Variants in UBR4 observed in about 807,000 individuals in gnomAD.
UBR4 encodes E3 ubiquitin-protein ligase UBR4.
A neutral mutation model predicts 575.6 loss-of-function variants in UBR4; 124 were observed. That is an observed-to-expected ratio of 0.22 (90% CI 0.19 to 0.25). The LOEUF (loss-of-function observed/expected upper bound fraction) is 0.25. Ranked by LOEUF, UBR4 falls within the 10% of genes least tolerant of loss-of-function variation. The probability of loss-of-function intolerance (pLI) is 1.00; values close to 1 mark genes in which losing one functional copy is unlikely to be tolerated. For synonymous variants in UBR4, 2,455 were observed against 2,473.7 expected (o/e 0.99, Z 0.22); for missense variants, 4,818 against 6,478.8 (o/e 0.74, Z 8.80).
chr1:19,188,722 C>T (rs778436632), intron 11 of UBR4, among the ~76,000 whole-genome samples: 1 of 152,218 alleles, frequency 6.6e-6, no homozygotes, highest in Non-Finnish European at 1.5e-5. Context: ...TATCCCAGCA[C>T]TTTGGGAGGC....
At chr1:19,171,783 T>C (rs374402752) in intron 25 of UBR4, among the ~76,000 whole-genome samples, 11 of 152,258 alleles carry the variant, frequency 7.2e-5, no homozygotes, top group East Asian at 3.9e-4. Context: ...AGGTGGAGGT[T>C]ACAGTGAGAT....
At position 19,088,746 on chromosome 1, in the gene UBR4, G is replaced by A; in HGVS notation, c.14430+13C>T. 6.2e-7 allele frequency: 1 copy of A among 1,612,432 alleles called. No individual in the cohort carries two copies. Among genetic ancestry groups the A allele is most frequent in the Non-Finnish European group, 8.5e-7 (1 of 1,179,810 alleles). On this transcript the variant is annotated intron_variant, in intron 98 of 105. Coordinates refer to ENST00000375254, the MANE Select transcript of UBR4 (RefSeq NM_020765.3). This position sits in a 1 kb window ranked among gnomAD's most constrained non-coding sequence, Gnocchi z 4.0. ...GTGGGCAGAAATATGGGGACTCTAG[G>A]TGGTAGCTTTACCGTCATGCCCAGG...
rs753390852 is a variant in UBR4, at chr1:19,151,751, C to T, written c.7105G>A (p.Glu2369Lys). 3.1e-6 allele frequency: 5 copies of T among 1,614,020 alleles called. No individual in the cohort carries two copies. Among genetic ancestry groups the T allele is most frequent in the African/African-American group, 2.7e-5 (2 of 74,908 alleles). Reference sequence around the variant, plus strand: ...AGCTGCATAGTTCTGCCGAAGATCTCGATATATGACGGGGCCCGTTCTATT... The same window carrying T: ...AGCTGCATAGTTCTGCCGAAGATCTTGATATATGACGGGGCCCGTTCTATT... The part of the protein sequence containing the change: ...QAIERAPSYI[E>K]IFGRTMQLNL... The change falls in exon 48 of 106, where the codon GAG (glutamate) becomes AAG (lysine). Residue 2369 changes from glutamate to lysine, a missense_variant. Glu to Lys is a moderately conservative substitution (Grantham distance 56, BLOSUM62 1). Coordinates refer to ENST00000375254, the MANE Select transcript of UBR4 (RefSeq NM_020765.3).
chr1:19,123,087 T>G, intron 65 of UBR4, 27 bp from the exon 66 acceptor site: 1 of 1,608,420 alleles, frequency 6.2e-7, no homozygotes. Flanking sequence ...CCACAAAGAG[T>G]AAATGACTCT....
At chr1:19,113,535 G>A (rs2080149153) in intron 77 of UBR4, 164 bp downstream of exon 77, 3 of 988,956 alleles carry the variant, frequency 3.0e-6, no homozygotes, top group Admixed American at 2.3e-5. Flanking sequence ...TCACGGTGGG[G>A]GAGATGCCGT....
At position 19,157,039 on chromosome 1, in the gene UBR4, A is replaced by G. The variant is rs2086546851; in HGVS notation, c.5761-114T>C. On this transcript the variant is annotated intron_variant, in intron 40 of 105. Transcript: ENST00000375254. The surrounding 1 kb of genome is among the most constrained non-coding windows in gnomAD (Gnocchi z 4.4). ...ACAGGTTGCACACTTTTTTCTTTACAGATAAGTCTAGTAGAAAATCCTAGA... is the reference window on the plus strand; with the variant it reads ...ACAGGTTGCACACTTTTTTCTTTACGGATAAGTCTAGTAGAAAATCCTAGA... 1.3e-5 allele frequency: 16 copies of G among 1,210,804 alleles called. No homozygotes were observed. The highest frequency in any genetic ancestry group is 1.8e-5 in the Non-Finnish European group (16 of 883,046). The allele number at this position is 1,210,804 out of a possible 1,614,324, so 75.0% of individuals were successfully genotyped here.
At chr1:19,197,580 C>T in intron 7 of UBR4, 90 bp downstream of exon 7, 1 of 1,529,302 alleles carries the variant, frequency 6.5e-7, no homozygotes, top group Non-Finnish European at 8.8e-7. Context: ...TGAACCGAGA[C>T]TGCACCCCTG....
chr1:19,190,312 A>AAAAAATATATATATATATAT, intron 11 of UBR4, among the ~76,000 whole-genome samples: 25 of 79,886 alleles, frequency 3.1e-4, no homozygotes, highest in African/African-American at 1.2e-3. Context: ...AAAAAAAAAA[A>AAAAAATATATATATATATAT]ATATATATAT....
At chr1:19,111,217 C>T (rs966729876) in intron 78 of UBR4, among the ~76,000 whole-genome samples, 1 of 152,164 alleles carries the variant, frequency 6.6e-6, no homozygotes, top group African/African-American at 2.4e-5. Context: ...TTCCACAAGG[C>T]CCTCATATTC....
intron 83 of UBR4, 132 bp downstream of exon 83, chr1:19,106,437 T>C (rs997486693): frequency 1.8e-5 from 22 of 1,241,468 alleles, no homozygotes; most frequent in Non-Finnish European, 2.3e-5. Flanking sequence ...CACTCCCTAT[T>C]TGAAAGGAAG....
chr1:19,141,519 C>G lies in UBR4; in HGVS notation c.8316G>C (p.Glu2772Asp). The G allele has an allele frequency of 6.2e-7, 1 of 1,606,014 alleles. No individual in the cohort carries two copies. The highest frequency in any genetic ancestry group is 1.1e-5 in the South Asian group (1 of 89,472). The change falls in exon 57 of 106, where the codon GAG becomes GAC. Residue 2772 changes from glutamate to aspartate, a missense_variant. By Grantham distance (45) the Glu-to-Asp change is conservative (BLOSUM62 2). This residue lies in a region of UBR4 where 129 missense variants were observed against 198.4 expected (regional missense o/e 0.65). Coordinates refer to ENST00000375254, the MANE Select transcript of UBR4 (RefSeq NM_020765.3). Reference sequence around the variant, plus strand: ...TTTCAGCTGTCTCCAGGACCATCGACTCAGACTGCAGAGAGAAAGCTCTGT... The same window carrying G: ...TTTCAGCTGTCTCCAGGACCATCGAGTCAGACTGCAGAGAGAAAGCTCTGT... ...VDHGDFEMVS[E>D]SMVLETAENV...
intron 50 of UBR4, 53 bp downstream of exon 50, chr1:19,148,510 C>T: frequency 6.2e-7 from 1 of 1,610,596 alleles, no homozygotes; most frequent in Non-Finnish European, 8.5e-7. Context: ...GGCAACTCCA[C>T]TGACTTCCTG....
chr1:19,147,026 G>A, intron 51 of UBR4, 26 bp from the exon 52 acceptor site: 12 of 1,563,526 alleles, frequency 7.7e-6, no homozygotes, highest in Non-Finnish European at 1.0e-5. Flanking sequence ...AGCACAGAGG[G>A]TCAGCCATAA....
chr1:19,179,260 T>C, intron 17 of UBR4, 40 bp from the exon 18 acceptor site: 2 of 1,498,206 alleles, frequency 1.3e-6, no homozygotes, highest in Non-Finnish European at 1.8e-6. Context: ...AGCAAACAGA[T>C]ACGGGATAAA....
chr1:19,093,390 C>T lies in UBR4; in HGVS notation c.14034G>A (p.Leu4678=). Residue 4678 remains leucine, a synonymous_variant, in exon 96 of 106, where the codon CTG becomes CTA. Coordinates refer to ENST00000375254, the MANE Select transcript of UBR4 (RefSeq NM_020765.3). This position sits in a 1 kb window ranked among gnomAD's most constrained non-coding sequence, Gnocchi z 4.8. ...TCCCCTTCTGGAGAATCAGATCCTT[C>T]AGCTGGTGCCCATTGCTGTTGTTCT... is the stretch of plus-strand genomic sequence containing the variant. The part of the protein sequence containing the change: ...GIKNNSNGHQ[L]KDLILQKGIT... The T allele has an allele frequency of 6.2e-7, 1 of 1,614,244 alleles. No homozygotes were observed. The highest frequency in any genetic ancestry group is 8.5e-7 in the Non-Finnish European group (1 of 1,180,040).
At position 19,076,833 on chromosome 1, in the gene UBR4, T is replaced by A; in HGVS notation, c.15394A>T (p.Met5132Leu). Residue 5132 changes from methionine to leucine, a missense_variant, in exon 105 of 106, where the codon ATG becomes TTG. Transcript: ENST00000375254. ...TTGTCGGCAGCTTCGTAGATGGGCA[T>A]GTCGTTGTGGCGGATGTACTCAGCG... ...SLAEYIRHND[M>L]PIYEAADKAL... The A allele has an allele frequency of 1.2e-6, 2 of 1,613,392 alleles. No individual in the cohort carries two copies. Among genetic ancestry groups the A allele is most frequent in the Middle Eastern group, 1.7e-4 (1 of 6,052 alleles).
chr1:19,086,082 C>CG, intron 101 of UBR4, 63 bp downstream of exon 101: 1 of 1,580,622 alleles, frequency 6.3e-7, no homozygotes, highest in Non-Finnish European at 8.6e-7. Context: ...GGGCTGATAG[C>CG]GGGTCTTGTC....
intron 75 of UBR4, among the ~76,000 whole-genome samples, chr1:19,114,293 G>A (rs2080231045): frequency 6.6e-6 from 1 of 152,218 alleles, no homozygotes; most frequent in Admixed American, 6.5e-5. Context: ...AATGCTGAGA[G>A]AAGTAACTTA....
At chr1:19,096,750 A>G (rs1391738627) in intron 91 of UBR4, 100 bp from the exon 92 acceptor site, 1 of 1,504,506 alleles carries the variant, frequency 6.6e-7, no homozygotes, top group African/African-American at 1.4e-5. Flanking sequence ...GATGGCTGAC[A>G]GCCCTTTTCC....
Sources: allele counts gnomAD v4.1 joint callset (sites outside exome capture counted in the v4.1 genomes callset), GRCh38; gene constraint gnomAD v4.1.1; regional missense constraint gnomAD v4.1.1; non-coding constraint Gnocchi (gnomAD v3.1); transcripts MANE v1.5; gene names NCBI Gene and HGNC (gene_info 2026-07-23, HGNC 2026-07-21).